The following ENTPD4 variants were observed in gnomAD, a reference collection of about 807,000 sequenced individuals.
ENTPD4 encodes Golgi UDPase.
A neutral mutation model predicts 79.1 loss-of-function variants in ENTPD4; 60 were observed. That is an observed-to-expected ratio of 0.76 (90% confidence interval 0.62 to 0.94). The LOEUF (loss-of-function observed/expected upper bound fraction) is 0.94, where lower values mean the gene tolerates loss of function less well. ENTPD4 is among the 40% of genes least tolerant of loss of function. ENTPD4 has a pLI of 0.00. For missense variants in ENTPD4, 772 were observed against 775.1 expected, an observed-to-expected ratio of 1.00 and a Z score of 0.05; for synonymous variants, 276 against 292.0, an observed-to-expected ratio of 0.95 and a Z score of 0.56.
In ENTPD4 at chr8:23,431,050, G is replaced by T; in HGVS notation, c.*1876C>A. 2 of 879,328 alleles carry T rather than the reference G, an allele frequency of 2.3e-6. No homozygotes were observed. Among genetic ancestry groups the T allele is most frequent in the Non-Finnish European group, 2.7e-6 (2 of 733,268 alleles). The allele number at this position is 879,328 out of a possible 1,614,324, so 54.5% of individuals were successfully genotyped here. On this transcript the variant is annotated 3_prime_UTR_variant, in exon 13 of 13. Transcript: ENST00000358689. ...AGGGAGCCATGCCCCCACAGCTCTT[G>T]CCTCAAGGATCAGATGCATTTTACC...
chr8:23,429,858 T>C lies in ENTPD4; in HGVS notation c.*3068A>G. 1 of 985,484 alleles carries C rather than the reference T, an allele frequency of 1.0e-6. No homozygotes were observed. Among genetic ancestry groups the C allele is most frequent in the Non-Finnish European group, 1.2e-6 (1 of 829,940 alleles). The allele number at this position is 985,484 out of a possible 1,614,324, so 61.0% of individuals were successfully genotyped here. ...AAAAGCACTGGTACAGTTCCATGTG[T>C]TTCTCTTCTACTGTAATGTCCCCAG... On this transcript the variant is annotated 3_prime_UTR_variant, in exon 13 of 13. Coordinates refer to ENST00000358689, the MANE Select transcript of ENTPD4 (RefSeq NM_004901.5).
chr8:23,434,604 C>G (rs1585400112), intron 11 of ENTPD4, 126 bp from the exon 12 acceptor site: 5 of 1,494,944 alleles, frequency 3.3e-6, no homozygotes, highest in Non-Finnish European at 4.5e-6. Flanking sequence ...CAGGCCGGCT[C>G]TCCCAAACCA....
intron 9 of ENTPD4, among the ~76,000 whole-genome samples, chr8:23,439,526 A>C (rs549647036): frequency 6.6e-6 from 1 of 152,290 alleles, no homozygotes; most frequent in South Asian, 2.1e-4. Context: ...CGGGTGAGAG[A>C]GCGCACGCAC....
intron 11 of ENTPD4, among the ~76,000 whole-genome samples, chr8:23,435,109 G>T (rs1319631947): frequency 6.6e-6 from 1 of 152,178 alleles, no homozygotes; most frequent in Non-Finnish European, 1.5e-5. Flanking sequence ...GACTGGAAAG[G>T]GACAGCCTCT....
intron 1 of ENTPD4, among the ~76,000 whole-genome samples, chr8:23,453,022 G>C (rs1200827786): frequency 2.0e-5 from 3 of 152,126 alleles, no homozygotes; most frequent in Non-Finnish European, 4.4e-5. Context: ...AACTATTGCA[G>C]GTTTCACAAA....
Position 23,434,399 on chromosome 8 carries a change from T to G in ENTPD4, c.1540A>C (p.Lys514Gln). The G allele has an allele frequency of 6.2e-7, 1 of 1,614,186 alleles. No individual in the cohort carries two copies. The highest frequency in any genetic ancestry group is 1.1e-5 in the South Asian group (1 of 91,080). ...TTGTCGTAAACTTGCAAGGCAGTCT[T>G]TAAGCTTTTATAGTTGACAGGAAAC... is the stretch of plus-strand genomic sequence containing the variant. ...FSFPVNYKSLKTALQVYDKEV... is the reference protein window; with the variant it reads ...FSFPVNYKSLQTALQVYDKEV... Residue 514 changes from lysine to glutamine, a missense_variant, in exon 12 of 13, where the codon AAG (lysine) becomes CAG (glutamine). Physicochemically the swap from Lys to Gln is moderately conservative, Grantham distance 53. Coordinates refer to ENST00000358689, the MANE Select transcript of ENTPD4 (RefSeq NM_004901.5).
Position 23,434,523 on chromosome 8 carries a change from T to C in ENTPD4, c.1461-45A>G, listed in dbSNP as rs199635363. 1,240 of 1,607,196 alleles carry C rather than the reference T, an allele frequency of 7.7e-4. 3 individuals carry two copies. The highest frequency in any genetic ancestry group is 1.0e-3 in the Non-Finnish European group (1,180 of 1,175,548). The stretch of plus-strand genomic sequence containing the variant: ...AGGCAAGTCAGACTGACTCACTCTG[T>C]CAAGATGGCACACACACACACACAC... On this transcript the variant is annotated intron_variant, in intron 11 of 12. Coordinates refer to ENST00000358689, the MANE Select transcript of ENTPD4 (RefSeq NM_004901.5).
intron 4 of ENTPD4, among the ~76,000 whole-genome samples, chr8:23,447,332 C>T (rs1364996681): frequency 6.6e-6 from 1 of 152,098 alleles, no homozygotes; most frequent in East Asian, 1.9e-4. Flanking sequence ...CATGAGTTAT[C>T]TGAAATTACC....
In ENTPD4 at chr8:23,432,671, T is replaced by C. The variant is rs1800476019; in HGVS notation, c.*255A>G. 4 of 787,088 alleles carry C rather than the reference T, an allele frequency of 5.1e-6. No homozygotes were observed. Among genetic ancestry groups the C allele is most frequent in the Non-Finnish European group, 6.8e-6 (4 of 589,094 alleles). The allele number at this position is 787,088 out of a possible 1,614,324, so 48.8% of individuals were successfully genotyped here. A position where few individuals can be genotyped will look rare whatever the true frequency, so the allele number is the denominator to read the frequency against. On this transcript the variant is annotated 3_prime_UTR_variant, in exon 13 of 13. Transcript: ENST00000358689. ...CCGCCACCACACCCAGCTAATTTTT[T>C]GTATTTTTAGTAGAGACGGGGTTTC...
In ENTPD4 at chr8:23,435,472, A is replaced by G. The variant is rs3736652; in HGVS notation, c.1380T>C (p.Tyr460=). The stretch of plus-strand genomic sequence containing the variant: ...GCAAAATGGACCACTTTGTTGCACA[A>G]TAATCCTGAAAACAAATTCACCAAA... ...AAKFTKAAKD[Y]CATKWSILRE... The change falls in exon 11 of 13, where the codon TAT becomes TAC. Residue 460 remains tyrosine, a synonymous_variant. Coordinates refer to ENST00000358689, the MANE Select transcript of ENTPD4 (RefSeq NM_004901.5). 0.098 allele frequency: 158,396 copies of G among 1,611,696 alleles called. 8,580 individuals carry two copies. The highest frequency in any genetic ancestry group is 0.16 in the South Asian group (14,482 of 90,968).
At position 23,432,785 on chromosome 8, in the gene ENTPD4, ACCGCGCT is replaced by A; in HGVS notation, c.*134_*140del. 7.0e-7 allele frequency: 1 copy of A among 1,435,054 alleles called. No homozygotes were observed. The highest frequency in any genetic ancestry group is 1.5e-5 in the South Asian group (1 of 66,376). The allele number at this position is 1,435,054 out of a possible 1,614,324, so 88.9% of individuals were successfully genotyped here. On this transcript the variant is annotated 3_prime_UTR_variant, in exon 13 of 13. Coordinates refer to ENST00000358689, the MANE Select transcript of ENTPD4 (RefSeq NM_004901.5). ...AGTGCTGGGATTACAGGCGTGAGCC[ACCGCGCT>A]CGGCCTGCATTTTGTTTTTGTTTGG...
chr8:23,431,671 C>T lies in ENTPD4; in HGVS notation c.*1255G>A, dbSNP rs752884879. 7.1e-6 allele frequency: 7 copies of T among 985,184 alleles called. No homozygotes were observed. The highest frequency in any genetic ancestry group is 5.2e-4 in the Middle Eastern group (1 of 1,934). 61.0% of individuals were successfully genotyped at this position (985,184 alleles called of 1,614,324 possible). On this transcript the variant is annotated 3_prime_UTR_variant, in exon 13 of 13. Transcript: ENST00000358689. ...TGGGGTCTCCCAGTACGATTAAAAG[C>T]TGAGATGACTTTTAATTAAGGGGGG...
chr8:23,429,659 G>C lies in ENTPD4; in HGVS notation c.*3267C>G, dbSNP rs1800421564. 2 of 985,228 alleles carry C rather than the reference G, an allele frequency of 2.0e-6. No homozygotes were observed. 61.0% of individuals were successfully genotyped at this position (985,228 alleles called of 1,614,324 possible). On this transcript the variant is annotated 3_prime_UTR_variant, in exon 13 of 13. Transcript: ENST00000358689. Reference sequence around the variant, plus strand: ...GTAAATATCTGTTTATCCAGAGTTTGTTAATCTAGAGTACACAGATGTGGA... The same window carrying C: ...GTAAATATCTGTTTATCCAGAGTTTCTTAATCTAGAGTACACAGATGTGGA...
intron 9 of ENTPD4, among the ~76,000 whole-genome samples, 166 bp from the exon 10 acceptor site, chr8:23,437,424 A>G (rs1044466289): frequency 2.0e-5 from 3 of 152,226 alleles, no homozygotes; most frequent in Non-Finnish European, 4.4e-5. Context: ...AGGAAAATAC[A>G]CACTTGAGAC....
At position 23,432,168 on chromosome 8, in the gene ENTPD4, A is replaced by G; in HGVS notation, c.*758T>C. On this transcript the variant is annotated 3_prime_UTR_variant, in exon 13 of 13. Coordinates refer to ENST00000358689, the MANE Select transcript of ENTPD4 (RefSeq NM_004901.5). The stretch of plus-strand genomic sequence containing the variant: ...ACAGTAACAGACCTGAACAATAAAT[A>G]AAAAAAAAAATCACCCTCTTCAGGT... The G allele has an allele frequency of 1.4e-6, 1 of 696,088 alleles. No individual in the cohort carries two copies. Among genetic ancestry groups the G allele is most frequent in the South Asian group, 6.4e-5 (1 of 15,598 alleles). The allele number at this position is 696,088 out of a possible 1,614,324, so 43.1% of individuals were successfully genotyped here. A position where few individuals can be genotyped will look rare whatever the true frequency, so the allele number is the denominator to read the frequency against.
chr8:23,444,000 T>C lies in ENTPD4; in HGVS notation c.564-47A>G, dbSNP rs766579515. The C allele has an allele frequency of 6.1e-6, 8 of 1,312,194 alleles. No individual in the cohort carries two copies. In the South Asian group the frequency reaches 8.8e-5, roughly 14 times the overall value. 81.3% of individuals were successfully genotyped at this position (1,312,194 alleles called of 1,614,324 possible). A position where few individuals can be genotyped will look rare whatever the true frequency, so the allele number is the denominator to read the frequency against. Reference sequence around the variant, plus strand: ...TACAAATCAAAAGATTACAGCTTGGTATCTTCTGTTTAGAAAAGGAAAAAA... The same window carrying C: ...TACAAATCAAAAGATTACAGCTTGGCATCTTCTGTTTAGAAAAGGAAAAAA... On this transcript the variant is annotated intron_variant, in intron 5 of 12. Coordinates refer to ENST00000358689, the MANE Select transcript of ENTPD4 (RefSeq NM_004901.5).
Position 23,432,768 on chromosome 8 carries a change from G to A in ENTPD4, c.*158C>T. 1 of 1,420,696 alleles carries A rather than the reference G, an allele frequency of 7.0e-7. No homozygotes were observed. The highest frequency in any genetic ancestry group is 9.2e-7 in the Non-Finnish European group (1 of 1,088,514). 88.0% of individuals were successfully genotyped at this position (1,420,696 alleles called of 1,614,324 possible). A position where few individuals can be genotyped will look rare whatever the true frequency, so the allele number is the denominator to read the frequency against. ...CCGCCTCGGCCTCCCAAAGTGCTGG[G>A]ATTACAGGCGTGAGCCACCGCGCTC... On this transcript the variant is annotated 3_prime_UTR_variant, in exon 13 of 13. Coordinates refer to ENST00000358689, the MANE Select transcript of ENTPD4 (RefSeq NM_004901.5).
At chr8:23,435,548 C>T in intron 10 of ENTPD4, 71 bp from the exon 11 acceptor site, 2 of 1,106,280 alleles carry the variant, frequency 1.8e-6, no homozygotes, top group Non-Finnish European at 2.7e-6. Context: ...AAATGGTTTA[C>T]CAAATTTATA....
At chr8:23,449,833 A>G (rs1316246444) in intron 2 of ENTPD4, 60 bp downstream of exon 2, 5 of 1,431,754 alleles carry the variant, frequency 3.5e-6, no homozygotes, top group Non-Finnish European at 4.9e-6. Context: ...TTTTTCTCTC[A>G]AGACCTGTTT....
Sources: gnomAD v4.1 joint callset for allele counts (sites outside exome capture counted in the v4.1 genomes callset) on GRCh38, gnomAD v4.1.1 for gene constraint, MANE v1.5 for transcripts, NCBI Gene and HGNC (gene_info 2026-07-23, HGNC 2026-07-21) for gene names.